The following GCNT1 variants were observed in gnomAD, a reference collection of about 807,000 sequenced individuals.
GCNT1 encodes the protein beta-1,3-galactosyl-O-glycosyl-glycoprotein beta-1,6-N-acetylglucosaminyltransferase.
GCNT1 carries 16 observed loss-of-function variants against 26.2 expected under a neutral mutation model. That is an observed-to-expected ratio of 0.61 (90% CI 0.41 to 0.93). The LOEUF (loss-of-function observed/expected upper bound fraction) is 0.93. Ranked by LOEUF, GCNT1 falls within the 40% of genes least tolerant of loss-of-function variation. The probability of loss-of-function intolerance (pLI) is 0.00; values close to 1 mark genes in which losing one functional copy is unlikely to be tolerated. For synonymous variants in GCNT1, 183 were observed against 190.8 expected (o/e 0.96, Z 0.34); for missense variants, 477 against 526.7 (o/e 0.91, Z 0.92).
At position 76,502,356 on chromosome 9, in the gene GCNT1, A is replaced by G. The variant is rs1329083107; in HGVS notation, c.-26A>G. 1 of 1,560,356 alleles carries G rather than the reference A, an allele frequency of 6.4e-7. No individual in the cohort carries two copies. Among genetic ancestry groups the G allele is most frequent in the South Asian group, 1.1e-5 (1 of 87,990 alleles). On this transcript the variant is annotated 5_prime_UTR_variant, in exon 4 of 4. Transcript: ENST00000376730. ...GGAGCATAGAAGACTGCCCTTCACA[A>G]AGGAAATCCCTGATTATTGTTTGAA... is the stretch of plus-strand genomic sequence containing the variant.
At chr9:76,453,039 C>G (rs947736694) in intron 1 of GCNT1, among the ~76,000 whole-genome samples, 3 of 152,220 alleles carry the variant, frequency 2.0e-5, no homozygotes, top group Admixed American at 6.5e-5. Context: ...AATGCAATTC[C>G]CATGTGGCTC....
intron 2 of GCNT1, among the ~76,000 whole-genome samples, chr9:76,479,763 C>G (rs1207554084): frequency 6.6e-6 from 1 of 152,166 alleles, no homozygotes; most frequent in African/African-American, 2.4e-5. Flanking sequence ...AGCCGTTTGT[C>G]AGATGAGTAG....
At chr9:76,485,147 T>C (rs1380982716) in intron 2 of GCNT1, among the ~76,000 whole-genome samples, 1 of 151,808 alleles carries the variant, frequency 6.6e-6, no homozygotes, top group Non-Finnish European at 1.5e-5. Context: ...TCAATGGCAT[T>C]TTTTCATATT....
At chr9:76,440,316 T>A (rs1823467910), upstream of GCNT1, among the ~76,000 whole-genome samples, 1 of 152,102 alleles carries the variant, frequency 6.6e-6, no homozygotes, top group African/African-American at 2.4e-5. Flanking sequence ...TTCAAGGAAT[T>A]TAAAGGAATT....
chr9:76,408,154 T>A, the GCNT1 span, among the ~76,000 whole-genome samples: 1 of 152,240 alleles, frequency 6.6e-6, no homozygotes, highest in Non-Finnish European at 1.5e-5. Flanking sequence ...TAGTTAGGAC[T>A]TCCAAGTATG....
upstream of GCNT1, among the ~76,000 whole-genome samples, chr9:76,440,356 A>G (rs780576355): frequency 1.1e-4 from 16 of 152,232 alleles, no homozygotes; most frequent in Non-Finnish European, 1.6e-4. Context: ...CCTTGTGAAC[A>G]AAAAATTCCC....
At chr9:76,412,284 G>A in the GCNT1 span, among the ~76,000 whole-genome samples, 3 of 152,050 alleles carry the variant, frequency 2.0e-5, no homozygotes, top group African/African-American at 7.2e-5. Flanking sequence ...ATTATTATTT[G>A]AAACAAAATG....
chr9:76,455,621 A>G (rs1025231151), upstream of GCNT1, among the ~76,000 whole-genome samples: 1 of 151,852 alleles, frequency 6.6e-6, no homozygotes, highest in African/African-American at 2.4e-5. Flanking sequence ...TCTATTTTTG[A>G]GATGGAATCT....
intron 2 of GCNT1, among the ~76,000 whole-genome samples, chr9:76,489,298 G>A (rs952629616): frequency 6.6e-6 from 1 of 152,190 alleles, no homozygotes; most frequent in Admixed American, 6.5e-5. Flanking sequence ...TGTGTCTGGA[G>A]TTGGTTCCTT....
At chr9:76,405,770 A>C in the GCNT1 span, among the ~76,000 whole-genome samples, 4 of 152,138 alleles carry the variant, frequency 2.6e-5, no homozygotes, top group African/African-American at 9.7e-5. Context: ...TGTGTATCAT[A>C]GTTTATTTTC....
chr9:76,452,464 A>C (rs962969174), intron 1 of GCNT1, among the ~76,000 whole-genome samples: 1 of 152,208 alleles, frequency 6.6e-6, no homozygotes, highest in African/African-American at 2.4e-5. Context: ...TGGGTAATTT[A>C]TAAAGAAAAG....
rs1183894792 is a variant in GCNT1, at chr9:76,502,919, A to C, written c.538A>C (p.Ser180Arg). The C allele has an allele frequency of 9.3e-6, 15 of 1,613,432 alleles. No individual in the cohort carries two copies. Among genetic ancestry groups the C allele is most frequent in the Admixed American group, 1.7e-5 (1 of 60,000 alleles). Reference protein sequence around the residue: ...ASCFSNVFVASRLESVVYASW... With the variant: ...ASCFSNVFVARRLESVVYASW... ...CTGTTTTAGTAATGTCTTTGTGGCC[A>C]GCCGATTGGAGAGTGTGGTTTATGC... The change falls in exon 4 of 4, where the codon AGC becomes CGC. Residue 180 changes from serine (S) to arginine (R), a missense_variant. Transcript: ENST00000376730.
At chr9:76,408,202 C>CAG in the GCNT1 span, among the ~76,000 whole-genome samples, 1 of 152,150 alleles carries the variant, frequency 6.6e-6, no homozygotes, top group Non-Finnish European at 1.5e-5. Context: ...AATCTTTGAC[C>CAG]TGCTCCTGCT....
At chr9:76,437,650 G>A (rs1332444637), upstream of GCNT1, among the ~76,000 whole-genome samples, 3 of 152,130 alleles carry the variant, frequency 2.0e-5, no homozygotes, top group Non-Finnish European at 4.4e-5. Flanking sequence ...GACTCGCCCT[G>A]AATTCTTTCT....
intron 2 of GCNT1, among the ~76,000 whole-genome samples, chr9:76,500,486 G>T (rs1825034777): frequency 6.6e-6 from 1 of 152,158 alleles, no homozygotes; most frequent in South Asian, 2.1e-4. Flanking sequence ...TAGAGGTGTG[G>T]AGTGGGGTGG....
intron 2 of GCNT1, among the ~76,000 whole-genome samples, chr9:76,466,489 G>A (rs953385365): frequency 2.0e-5 from 3 of 152,088 alleles, no homozygotes; most frequent in Non-Finnish European, 2.9e-5. Context: ...TTCTAGAGAC[G>A]GGTCTCACCA....
chr9:76,395,974 A>G, the GCNT1 span, among the ~76,000 whole-genome samples: 4,714 of 152,246 alleles, frequency 0.031, 98 homozygotes, highest in Non-Finnish European at 0.048. Flanking sequence ...GGTCAGAATG[A>G]TTTTTTTGTA....
intron 2 of GCNT1, among the ~76,000 whole-genome samples, chr9:76,487,043 T>C (rs1283461546): frequency 6.6e-6 from 1 of 152,186 alleles, no homozygotes; most frequent in Non-Finnish European, 1.5e-5. Context: ...ACAGAGGAGC[T>C]AAGCAGCTCA....
chr9:76,478,307 CTA>C (rs1489238571), intron 2 of GCNT1, among the ~76,000 whole-genome samples: 1 of 152,162 alleles, frequency 6.6e-6, no homozygotes, highest in Non-Finnish European at 1.5e-5. Flanking sequence ...GTCAGAGAGA[CTA>C]TGAACCCACT....
Sources: gnomAD v4.1 joint callset for allele counts (sites outside exome capture counted in the v4.1 genomes callset) on GRCh38, gnomAD v4.1.1 for gene constraint, MANE v1.5 for transcripts, NCBI Gene and HGNC (gene_info 2026-07-23, HGNC 2026-07-21) for gene names.